The following SNTB2 variants were observed in gnomAD, a reference collection of about 807,000 sequenced individuals.
SNTB2 encodes syntrophin beta 2.
SNTB2 carries 34 observed loss-of-function variants against 46.2 expected under a neutral mutation model. That is an observed-to-expected ratio of 0.74 (90% CI 0.56 to 0.98). SNTB2 has a LOEUF of 0.98. Ranked by LOEUF, SNTB2 falls within the 50% of genes least tolerant of loss-of-function variation. The pLI is 0.00. For missense variants in SNTB2, 603 were observed against 731.4 expected, an observed-to-expected ratio of 0.82 and a Z score of 2.02; for synonymous variants, 290 against 312.6, an observed-to-expected ratio of 0.93 and a Z score of 0.76.
intron 1 of SNTB2, among the ~76,000 whole-genome samples, chr16:69,236,505 G>T (rs973725794): frequency 1.3e-5 from 2 of 152,090 alleles, no homozygotes; most frequent in Non-Finnish European, 2.9e-5. Context: ...AGGGGAATGG[G>T]GAGTAATTGT....
chr16:69,188,171 T>TGCCA (rs1435990030), intron 1 of SNTB2, among the ~76,000 whole-genome samples: 5 of 151,044 alleles, frequency 3.3e-5, no homozygotes, highest in African/African-American at 1.2e-4. Flanking sequence ...TCTTCACCGA[T>TGCCA]GCCAGCGGTA....
Position 69,304,137 on chromosome 16 carries a change from G to A in SNTB2, c.*3213G>A, listed in dbSNP as rs1336369189. 1 of 152,064 alleles carries A rather than the reference G, an allele frequency of 6.6e-6. No homozygotes were observed. The highest frequency in any genetic ancestry group is 2.4e-5 in the African/African-American group (1 of 41,404). 9.4% of individuals were successfully genotyped at this position (152,064 alleles called of 1,614,324 possible). ...TAAAAAGAAAAGGAAAGGAACAAAA[G>A]AAAAACATTCAGTTTTTCTTTTTCT... On this transcript the variant is annotated 3_prime_UTR_variant, in exon 7 of 7. Transcript: ENST00000336278.
intron 1 of SNTB2, among the ~76,000 whole-genome samples, chr16:69,216,792 CCTT>C (rs1420374849): frequency 6.6e-6 from 1 of 151,632 alleles, no homozygotes; most frequent in Non-Finnish European, 1.5e-5. Flanking sequence ...AAAGTAATAA[CCTT>C]CTTTTGAAAA....
chr16:69,252,460 T>C (rs573835213), intron 2 of SNTB2, among the ~76,000 whole-genome samples: 4 of 152,358 alleles, frequency 2.6e-5, no homozygotes, highest in South Asian at 2.1e-4. Context: ...CAAGGTGTTC[T>C]TAAACACTCC....
At chr16:69,237,991 G>A (rs1363091939) in intron 1 of SNTB2, among the ~76,000 whole-genome samples, 1 of 152,116 alleles carries the variant, frequency 6.6e-6, no homozygotes, top group Non-Finnish European at 1.5e-5. Flanking sequence ...TGGAGTGTCT[G>A]CTTTCTCTTC....
At chr16:69,281,903 C>CTTT in intron 4 of SNTB2, among the ~76,000 whole-genome samples, 1 of 133,808 alleles carries the variant, frequency 7.5e-6, no homozygotes, top group African/African-American at 2.9e-5. Flanking sequence ...ATTTGTTTCT[C>CTTT]TCTTTTTTTT....
At position 69,227,445 on chromosome 16, in the gene SNTB2, A is replaced by T. The variant is rs74575017; in HGVS notation, c.581-18157A>T. 4.6e-3 allele frequency among the ~76,000 whole-genome samples: 702 copies of T among 152,334 alleles called. 31 individuals carry two copies. In the South Asian group the frequency reaches 0.091, roughly 20 times the overall value. On this transcript the variant is annotated intron_variant, in intron 1 of 6. Transcript: ENST00000336278. ...AAGCAACTATAATTAATTTCAAGCC[A>T]CTGTCACAGAAATATTGGGTGTAAC...
intron 4 of SNTB2, 102 bp from the exon 5 acceptor site, chr16:69,283,946 C>G: frequency 9.3e-7 from 1 of 1,080,758 alleles, no homozygotes; most frequent in African/African-American, 1.6e-5. Flanking sequence ...CCAAAAACTG[C>G]TGATTGCTTT....
At chr16:69,287,452 C>A (rs1215135462) in intron 5 of SNTB2, among the ~76,000 whole-genome samples, 3 of 152,050 alleles carry the variant, frequency 2.0e-5, no homozygotes, top group African/African-American at 7.2e-5. Flanking sequence ...CGCCTATAAT[C>A]CCAGCTACTC....
chr16:69,243,503 T>C (rs536728264), intron 1 of SNTB2, among the ~76,000 whole-genome samples: 25 of 152,350 alleles, frequency 1.6e-4, no homozygotes, highest in South Asian at 8.3e-4. Context: ...TACTGTGTGA[T>C]TGAATGAACT....
At chr16:69,287,965 CA>C (rs1965121714) in intron 5 of SNTB2, among the ~76,000 whole-genome samples, 1 of 151,270 alleles carries the variant, frequency 6.6e-6, no homozygotes, top group South Asian at 2.1e-4. Flanking sequence ...CACTTGAGCC[CA>C]GAAGTTCAAG....
At chr16:69,213,446 A>T (rs1352489395) in intron 1 of SNTB2, among the ~76,000 whole-genome samples, 1 of 152,056 alleles carries the variant, frequency 6.6e-6, no homozygotes, top group Admixed American at 6.6e-5. Flanking sequence ...GTTCTTATAT[A>T]CTTTGAAAAA....
chr16:69,296,659 T>C (rs140453625), intron 5 of SNTB2, among the ~76,000 whole-genome samples: 3,429 of 140,490 alleles, frequency 0.024, 129 homozygotes, highest in African/African-American at 0.086. Flanking sequence ...GAGACGGAGG[T>C]TGCAGTGAGC....
chr16:69,218,763 G>C (rs925413869), intron 1 of SNTB2, among the ~76,000 whole-genome samples: 6 of 152,140 alleles, frequency 3.9e-5, no homozygotes, highest in African/African-American at 7.2e-5. Flanking sequence ...TAAGAGGTCT[G>C]AAGGTAGACT....
intron 1 of SNTB2, among the ~76,000 whole-genome samples, chr16:69,198,399 A>G (rs1359520290): frequency 6.6e-6 from 1 of 152,144 alleles, no homozygotes; most frequent in Non-Finnish European, 1.5e-5. Flanking sequence ...GTGAGTCCTC[A>G]TGCCTGGCCT....
At chr16:69,283,895 T>G (rs1965074103) in intron 4 of SNTB2, among the ~76,000 whole-genome samples, 153 bp from the exon 5 acceptor site, 1 of 152,210 alleles carries the variant, frequency 6.6e-6, no homozygotes, top group Non-Finnish European at 1.5e-5. Flanking sequence ...CAGAATGGTC[T>G]GTATTTCAGA....
At chr16:69,299,843 C>G in intron 6 of SNTB2, 69 bp downstream of exon 6, 1 of 1,464,252 alleles carries the variant, frequency 6.8e-7, no homozygotes, top group Non-Finnish European at 9.4e-7. Context: ...CTTCTTACCC[C>G]TTATATACAA....
intron 1 of SNTB2, among the ~76,000 whole-genome samples, chr16:69,210,863 C>T (rs1964276971): frequency 6.6e-6 from 1 of 151,904 alleles, no homozygotes; most frequent in Non-Finnish European, 1.5e-5. Context: ...CGTGGTGGCG[C>T]GCTTGTAATC....
chr16:69,271,637 C>A (rs571945845), intron 4 of SNTB2, among the ~76,000 whole-genome samples: 1 of 152,144 alleles, frequency 6.6e-6, no homozygotes, highest in South Asian at 2.1e-4. Flanking sequence ...ATAATTAGAA[C>A]AATTAAATTT....
Sources: gnomAD v4.1 joint callset for allele counts (sites outside exome capture counted in the v4.1 genomes callset) on GRCh38, gnomAD v4.1.1 for gene constraint, MANE v1.5 for transcripts, NCBI Gene and HGNC (gene_info 2026-07-23, HGNC 2026-07-21) for gene names.